HECW2: variants seen among roughly 807,000 people sequenced by gnomAD.
HECW2 encodes E3 ubiquitin-protein ligase HECW2.
Under a neutral mutation model 175.2 loss-of-function variants are expected in HECW2, and 61 were observed. The ratio of observed to expected loss-of-function variants is 0.35; its 90% CI spans 0.28 to 0.43. The LOEUF (loss-of-function observed/expected upper bound fraction) is 0.43, where lower values mean the gene tolerates loss of function less well. Ranked by LOEUF, HECW2 falls within the 20% of genes least tolerant of loss-of-function variation. The pLI is 1.00. For synonymous variants in HECW2, 671 were observed against 731.0 expected (o/e 0.92, Z 1.32); for missense variants, 1,524 against 2,000.5 (o/e 0.76, Z 4.54).
intron 10 of HECW2, chr2:196,315,684 T>C (rs1049888685): frequency 4.6e-5 from 7 of 152,210 alleles, no homozygotes; most frequent in African/African-American, 1.4e-4. Context: ...ACGGGTGTAA[T>C]GCAAACACCA....
At chr2:196,230,655 G>A (rs934216889) in intron 21 of HECW2, among the ~76,000 whole-genome samples, 1 of 152,100 alleles carries the variant, frequency 6.6e-6, no homozygotes, top group Admixed American at 6.6e-5. Flanking sequence ...ACTTTTCTCC[G>A]GCGATGCAGG....
intron 1 of HECW2, among the ~76,000 whole-genome samples, chr2:196,541,170 G>C (rs1047237032): frequency 6.6e-6 from 1 of 151,998 alleles, no homozygotes; most frequent in Non-Finnish European, 1.5e-5. Context: ...GTGCACCTCT[G>C]TACCTATCAG....
intron 2 of HECW2, among the ~76,000 whole-genome samples, chr2:196,348,997 A>C (rs991764450): frequency 3.9e-5 from 6 of 151,966 alleles, no homozygotes; most frequent in Admixed American, 2.0e-4. Context: ...CCCTACTACT[A>C]TCTCCTCTGT....
intron 1 of HECW2, among the ~76,000 whole-genome samples, chr2:196,577,846 A>C (rs1690616245): frequency 6.6e-6 from 1 of 152,208 alleles, no homozygotes; most frequent in African/African-American, 2.4e-5. Flanking sequence ...CAGACTACAG[A>C]ATTCATTCTG....
chr2:196,404,235 G>A (rs1302383502), intron 2 of HECW2, among the ~76,000 whole-genome samples: 1 of 152,124 alleles, frequency 6.6e-6, no homozygotes. Flanking sequence ...CCCATTACAT[G>A]AACTTTAATA....
chr2:196,546,829 A>G (rs1220995932), intron 1 of HECW2, among the ~76,000 whole-genome samples: 1 of 152,156 alleles, frequency 6.6e-6, no homozygotes, highest in Non-Finnish European at 1.5e-5. Context: ...GCAAAAAAAA[A>G]AAAAAAGAGA....
chr2:196,330,411 T>C lies in HECW2; in HGVS notation c.496-761A>G, dbSNP rs549704308. 2.6e-5 allele frequency among the ~76,000 whole-genome samples: 4 copies of C among 152,320 alleles called. No individual in the cohort carries two copies. In the East Asian group the frequency reaches 5.8e-4, roughly 22 times the overall value. On this transcript the variant is annotated intron_variant, in intron 4 of 28. Transcript: ENST00000644978. ...GAAGTCAACAGAATTGAAGGCAGAATATACCCAAATGTGGGAAATAGAACC... is the reference window on the plus strand; with the variant it reads ...GAAGTCAACAGAATTGAAGGCAGAACATACCCAAATGTGGGAAATAGAACC...
chr2:196,559,382 A>T (rs889244806), intron 1 of HECW2, among the ~76,000 whole-genome samples: 2 of 152,202 alleles, frequency 1.3e-5, no homozygotes, highest in African/African-American at 4.8e-5. Flanking sequence ...CAATTCCTTC[A>T]TCACCCCCAA....
At chr2:196,361,221 T>A (rs965268575) in intron 2 of HECW2, among the ~76,000 whole-genome samples, 14 of 152,200 alleles carry the variant, frequency 9.2e-5, no homozygotes, top group Non-Finnish European at 1.9e-4. Context: ...TGAGTCAGTT[T>A]GCCACAGTTG....
chr2:196,296,374 A>C (rs1213218507), intron 13 of HECW2, among the ~76,000 whole-genome samples: 1 of 152,198 alleles, frequency 6.6e-6, no homozygotes, highest in African/African-American at 2.4e-5. Context: ...CCAGTGGGAC[A>C]AAGGATGGTA....
At position 196,308,000 on chromosome 2, in the gene HECW2, A is replaced by T; in HGVS notation, c.2520T>A (p.Ala840=). Residue 840 remains alanine (A), a synonymous_variant, in exon 11 of 29, where the codon GCT becomes GCA. Transcript: ENST00000644978. ...NRTTTWQRPT[A]PPAPQVLQRS... Reference sequence around the variant, plus strand: ...TCTGCAGCACCTGCGGGGCTGGGGGAGCTGTCGGTCGCTGCCACGTCGTGG... The same window carrying T: ...TCTGCAGCACCTGCGGGGCTGGGGGTGCTGTCGGTCGCTGCCACGTCGTGG... The T allele has an allele frequency of 6.2e-7, 1 of 1,605,612 alleles. No homozygotes were observed. Among genetic ancestry groups the T allele is most frequent in the Non-Finnish European group, 8.5e-7 (1 of 1,173,740 alleles).
chr2:196,429,257 C>T (rs2375853), intron 2 of HECW2, among the ~76,000 whole-genome samples: 144,192 of 152,112 alleles, frequency 0.95, 68,440 homozygotes, highest in East Asian at 1. Context: ...GGCCTACCTG[C>T]CCTGAGATTA....
intron 5 of HECW2, among the ~76,000 whole-genome samples, chr2:196,326,556 A>G (rs1365010148): frequency 2.6e-5 from 4 of 151,308 alleles, no homozygotes; most frequent in African/African-American, 7.3e-5. Context: ...TGATTCTCAT[A>G]CCTCAGCCTC....
chr2:196,487,250 G>C (rs958705873), intron 1 of HECW2, among the ~76,000 whole-genome samples: 59 of 152,142 alleles, frequency 3.9e-4, no homozygotes, highest in Non-Finnish European at 7.1e-4. Context: ...GGATGTTGAG[G>C]TGGCAGTCAG....
At chr2:196,272,216 A>C (rs1689766589) in intron 16 of HECW2, among the ~76,000 whole-genome samples, 1 of 152,216 alleles carries the variant, frequency 6.6e-6, no homozygotes, top group Non-Finnish European at 1.5e-5. Context: ...TTAAGCCACA[A>C]ATAGCTCTTT....
At chr2:196,442,591 T>C (rs1267152488) in intron 1 of HECW2, among the ~76,000 whole-genome samples, 2 of 152,226 alleles carry the variant, frequency 1.3e-5, no homozygotes, top group Admixed American at 6.5e-5. Context: ...TTATAGCATA[T>C]CTACCTTATA....
intron 1 of HECW2, among the ~76,000 whole-genome samples, chr2:196,578,495 C>G (rs547144570): frequency 1.1e-4 from 17 of 152,206 alleles, no homozygotes; most frequent in Admixed American, 3.3e-4. Flanking sequence ...AACCATTAAC[C>G]TATGTATCCA....
chr2:196,554,750 G>T (rs181075622), intron 1 of HECW2, among the ~76,000 whole-genome samples: 62 of 152,314 alleles, frequency 4.1e-4, no homozygotes, highest in African/African-American at 1.4e-3. Context: ...TGGGTCTGGG[G>T]CTTTGATCCA....
chr2:196,284,102 T>C (rs918347691), intron 14 of HECW2, among the ~76,000 whole-genome samples: 4 of 152,230 alleles, frequency 2.6e-5, no homozygotes, highest in African/African-American at 4.8e-5. Context: ...TATCATACTT[T>C]ATTTTAGGAA....
Sources: allele counts gnomAD v4.1 joint callset (sites outside exome capture counted in the v4.1 genomes callset), GRCh38; gene constraint gnomAD v4.1.1; transcripts MANE v1.5; gene names NCBI Gene and HGNC (gene_info 2026-07-23, HGNC 2026-07-21).